The following TEK variants were observed in gnomAD, a reference collection of about 807,000 sequenced individuals.
TEK encodes angiopoietin-1 receptor.
A neutral mutation model predicts 131.8 loss-of-function variants in TEK; 43 were observed. That is an observed-to-expected ratio of 0.33 (90% CI 0.26 to 0.42). The LOEUF is 0.42. Ranked by LOEUF, TEK falls within the 10% of genes least tolerant of loss-of-function variation. The probability of loss-of-function intolerance (pLI) is 1.00; values close to 1 mark genes in which losing one functional copy is unlikely to be tolerated. For synonymous variants in TEK, 580 were observed against 491.6 expected (o/e 1.18, Z -2.38); for missense variants, 1,162 against 1,384.4 (o/e 0.84, Z 2.55).
In TEK at chr9:27,140,396, GAAAAA is replaced by G. The variant is rs59569720; in HGVS notation, c.53-17421_53-17417del. Among the ~76,000 whole-genome samples the G allele has an allele frequency of 4.2e-3, 472 of 113,400 alleles. 3 individuals carry two copies. Among genetic ancestry groups the G allele is most frequent in the African/African-American group, 0.014 (449 of 32,766 alleles). 74.4% of individuals were successfully genotyped at this position (113,400 alleles called of 152,430 possible). A position where few individuals can be genotyped will look rare whatever the true frequency, so the allele number is the denominator to read the frequency against. ...TTGTGAAACTTACATTAGCAAAAAA[GAAAAA>G]AAAAAAAAAAAAAGAAACATTAATC... On this transcript the variant is annotated intron_variant, in intron 1 of 22. Transcript: ENST00000380036.
intron 17 of TEK, among the ~76,000 whole-genome samples, 154 bp from the exon 18 acceptor site, chr9:27,213,330 T>C (rs1225908343): frequency 6.6e-6 from 1 of 152,170 alleles, no homozygotes; most frequent in African/African-American, 2.4e-5. Flanking sequence ...GCAGAATCCA[T>C]TACCAGGGAA....
intron 1 of TEK, among the ~76,000 whole-genome samples, chr9:27,134,325 T>C (rs1012419245): frequency 6.6e-6 from 1 of 152,164 alleles, no homozygotes; most frequent in South Asian, 2.1e-4. Context: ...AACTCAAGGA[T>C]TTGTAGGAGT....
chr9:27,206,485 C>T, intron 14 of TEK, 97 bp from the exon 15 acceptor site: 1 of 1,300,694 alleles, frequency 7.7e-7, no homozygotes, highest in Non-Finnish European at 1.1e-6. Flanking sequence ...TACAGTATTT[C>T]TTTTTTCATC....
intron 1 of TEK, among the ~76,000 whole-genome samples, chr9:27,125,723 G>A (rs1821961108): frequency 6.6e-6 from 1 of 152,146 alleles, no homozygotes; most frequent in Non-Finnish European, 1.5e-5. Context: ...AAATATAGGT[G>A]TATAACAAAT....
chr9:27,197,091 C>A (rs763744353), intron 11 of TEK, among the ~76,000 whole-genome samples: 4 of 146,858 alleles, frequency 2.7e-5, no homozygotes, highest in Admixed American at 7.0e-5. Context: ...TATATACTTT[C>A]AAATGACCAG....
At chr9:27,172,841 G>A (rs1195269803) in intron 5 of TEK, 94 bp downstream of exon 5, 3 of 1,522,540 alleles carry the variant, frequency 2.0e-6, no homozygotes, top group East Asian at 2.3e-5. Flanking sequence ...GGGAATGGAC[G>A]CTAAATGGCC....
chr9:27,122,813 G>T (rs1821840996), intron 1 of TEK, among the ~76,000 whole-genome samples: 1 of 151,928 alleles, frequency 6.6e-6, no homozygotes, highest in Non-Finnish European at 1.5e-5. Context: ...CAGCACTTTG[G>T]GAGGCCACGG....
intron 15 of TEK, among the ~76,000 whole-genome samples, chr9:27,207,595 A>C (rs568268406): frequency 1.3e-5 from 2 of 152,346 alleles, no homozygotes; most frequent in African/African-American, 2.4e-5. Context: ...CTTCTGCATG[A>C]AAGAGCAGTT....
chr9:27,176,920 A>G (rs1260295812), intron 6 of TEK, among the ~76,000 whole-genome samples: 1 of 152,214 alleles, frequency 6.6e-6, no homozygotes, highest in Non-Finnish European at 1.5e-5. Flanking sequence ...GATTCCACTT[A>G]TAGAAGAGAT....
intron 9 of TEK, among the ~76,000 whole-genome samples, chr9:27,186,359 A>C (rs1824599044): frequency 6.6e-6 from 1 of 152,212 alleles, no homozygotes; most frequent in Non-Finnish European, 1.5e-5. Context: ...AAGAATACCT[A>C]ACAGCTCTCT....
chr9:27,172,908 G>A (rs1017342949), intron 5 of TEK, among the ~76,000 whole-genome samples, 161 bp downstream of exon 5: 1 of 152,136 alleles, frequency 6.6e-6, no homozygotes, highest in African/African-American at 2.4e-5. Context: ...TTTTCCTAAA[G>A]GTTCTTTAAT....
chr9:27,192,652 A>C lies in TEK; in HGVS notation c.1624+29A>C, dbSNP rs754159602. ...AGTGGAAGCCAACAGGCATTTATTC[A>C]TGAGCTGGGTGGGAGGGGGAGGAAG... On this transcript the variant is annotated intron_variant, in intron 11 of 22. Coordinates refer to ENST00000380036, the MANE Select transcript of TEK (RefSeq NM_000459.5). 3.0e-6 allele frequency: 4 copies of C among 1,338,118 alleles called. No individual in the cohort carries two copies. In the East Asian group the frequency reaches 1.4e-4, roughly 48 times the overall value. 82.9% of individuals were successfully genotyped at this position (1,338,118 alleles called of 1,614,324 possible).
chr9:27,147,690 C>A (rs1008632332), intron 1 of TEK, among the ~76,000 whole-genome samples: 5 of 152,038 alleles, frequency 3.3e-5, no homozygotes, highest in African/African-American at 1.2e-4. Flanking sequence ...TGAAGATTTT[C>A]TTCTATATAC....
chr9:27,204,320 T>C (rs1825325322), intron 13 of TEK, among the ~76,000 whole-genome samples: 1 of 152,222 alleles, frequency 6.6e-6, no homozygotes, highest in Non-Finnish European at 1.5e-5. Context: ...GATTTGACCA[T>C]AGTCTTTAAT....
At chr9:27,210,436 G>A in intron 16 of TEK, 1 of 198,886 alleles carries the variant, frequency 5.0e-6, no homozygotes, top group Non-Finnish European at 1.1e-5. Context: ...TGTTATGACA[G>A]GAAGCCAAGT....
chr9:27,126,178 G>A (rs1490723483), intron 1 of TEK, among the ~76,000 whole-genome samples: 2 of 152,108 alleles, frequency 1.3e-5, no homozygotes, highest in African/African-American at 4.8e-5. Context: ...TGGTCTCCGT[G>A]GCTGATTCAT....
chr9:27,164,238 G>A (rs1823645414), intron 2 of TEK, among the ~76,000 whole-genome samples: 1 of 151,972 alleles, frequency 6.6e-6, no homozygotes, highest in Admixed American at 6.6e-5. Flanking sequence ...TATCTCATAG[G>A]GATATTATAA....
In TEK at chr9:27,197,479, T is replaced by C. The variant is rs755053781; in HGVS notation, c.1789T>C (p.Leu597=). 19 of 1,613,962 alleles carry C rather than the reference T, an allele frequency of 1.2e-5. No individual in the cohort carries two copies. The highest frequency in any genetic ancestry group is 1.5e-5 in the Non-Finnish European group (18 of 1,179,992). ...DQQNIKVPGN[L]TSVLLNNLHP... ...GCAGAATATTAAAGTTCCAGGCAAC[T>C]TGACTTCGGTGCTACTTAACAACTT... The change falls in exon 12 of 23, where the codon TTG becomes CTG. Residue 597 remains leucine (L), a synonymous_variant. Transcript: ENST00000380036.
chr9:27,218,130 T>TGGGGGG (rs1554702611), intron 19 of TEK, among the ~76,000 whole-genome samples: 1 of 139,622 alleles, frequency 7.2e-6, no homozygotes, highest in Non-Finnish European at 1.5e-5. Context: ...GGCCAGACAG[T>TGGGGGG]GGCGGGGGTC....
Sources: allele counts gnomAD v4.1 joint callset (sites outside exome capture counted in the v4.1 genomes callset), GRCh38; gene constraint gnomAD v4.1.1; transcripts MANE v1.5; gene names NCBI Gene and HGNC (gene_info 2026-07-23, HGNC 2026-07-21).